The following AGBL4 variants were observed in gnomAD, a reference collection of about 807,000 sequenced individuals.
AGBL4 encodes AGBL carboxypeptidase 4.
Under a neutral mutation model 66.4 loss-of-function variants are expected in AGBL4, and 58 were observed. The observed-to-expected ratio is 0.87, with a 90% confidence interval of 0.71 to 1.09. The LOEUF (loss-of-function observed/expected upper bound fraction) is 1.09. Ranked by LOEUF, AGBL4 falls within the 50% of genes least tolerant of loss-of-function variation. AGBL4 has a pLI of 0.00. For synonymous variants in AGBL4, 234 were observed against 222.9 expected (o/e 1.05, Z -0.44); for missense variants, 579 against 631.0 (o/e 0.92, Z 0.88).
chr1:49,666,097 C>T (rs570697943), intron 3 of AGBL4, among the ~76,000 whole-genome samples: 39 of 152,086 alleles, frequency 2.6e-4, no homozygotes, highest in Non-Finnish European at 4.7e-4. Context: ...GCTGGGACTA[C>T]AGGCACATAC....
intron 6 of AGBL4, among the ~76,000 whole-genome samples, chr1:48,814,322 A>C (rs1291764664): frequency 6.6e-6 from 1 of 151,550 alleles, no homozygotes; most frequent in Non-Finnish European, 1.5e-5. Flanking sequence ...ACTTTTTAAA[A>C]ATATTTTTTA....
chr1:49,772,398 G>T (rs1644087786), intron 2 of AGBL4, among the ~76,000 whole-genome samples: 1 of 152,074 alleles, frequency 6.6e-6, no homozygotes, highest in African/African-American at 2.4e-5. Flanking sequence ...AGGTTTGAAG[G>T]ATTTACATAG....
At chr1:48,964,501 G>T (rs1224801580) in intron 5 of AGBL4, among the ~76,000 whole-genome samples, 1 of 152,024 alleles carries the variant, frequency 6.6e-6, no homozygotes, top group African/African-American at 2.4e-5. Context: ...TGATATAAAG[G>T]GCCCTTTTTG....
chr1:49,177,084 A>G (rs1646846363), intron 4 of AGBL4, among the ~76,000 whole-genome samples: 1 of 152,152 alleles, frequency 6.6e-6, no homozygotes. Flanking sequence ...CATTTTGATT[A>G]TATCTTGTGA....
chr1:49,908,456 C>A (rs181204319), intron 1 of AGBL4, among the ~76,000 whole-genome samples: 1 of 152,156 alleles, frequency 6.6e-6, no homozygotes, highest in Non-Finnish European at 1.5e-5. Context: ...CTCTATTGTT[C>A]CATGTGACAT....
chr1:48,838,125 C>T (rs1646725366), intron 6 of AGBL4, among the ~76,000 whole-genome samples: 1 of 151,962 alleles, frequency 6.6e-6, no homozygotes, highest in South Asian at 2.1e-4. Context: ...CCAAAGCAAT[C>T]TACAGATCAG....
intron 6 of AGBL4, among the ~76,000 whole-genome samples, chr1:48,697,745 A>G (rs1646734107): frequency 6.6e-6 from 1 of 152,222 alleles, no homozygotes; most frequent in Non-Finnish European, 1.5e-5. Context: ...CATACCCAGA[A>G]TAAAGATACA....
chr1:48,927,704 G>A (rs987820708), intron 5 of AGBL4, among the ~76,000 whole-genome samples: 1 of 152,152 alleles, frequency 6.6e-6, no homozygotes, highest in African/African-American at 2.4e-5. Context: ...AATGTGTCAA[G>A]CACTGTGTTG....
At chr1:50,006,334 G>A (rs752257745) in intron 1 of AGBL4, among the ~76,000 whole-genome samples, 5 of 144,334 alleles carry the variant, frequency 3.5e-5, no homozygotes, top group Admixed American at 1.4e-4. Flanking sequence ...GCAAGACTCC[G>A]CCTCAAAAAA....
intron 5 of AGBL4, among the ~76,000 whole-genome samples, chr1:48,991,155 T>C (rs1228846943): frequency 6.6e-6 from 1 of 152,216 alleles, no homozygotes; most frequent in Non-Finnish European, 1.5e-5. Context: ...GGGACAGGTC[T>C]GGTGTTGATG....
At chr1:49,883,305 T>C (rs1355246739) in intron 1 of AGBL4, among the ~76,000 whole-genome samples, 1 of 152,098 alleles carries the variant, frequency 6.6e-6, no homozygotes, top group Non-Finnish European at 1.5e-5. Context: ...TTGTTTTTCC[T>C]TATGGAGAAG....
chr1:49,155,247 A>G (rs775690226), intron 4 of AGBL4, among the ~76,000 whole-genome samples: 4 of 152,188 alleles, frequency 2.6e-5, no homozygotes, highest in Non-Finnish European at 4.4e-5. Context: ...GTTCAAAGAC[A>G]TCAGTAACTT....
At chr1:49,561,483 C>G (rs1305494) in intron 3 of AGBL4, among the ~76,000 whole-genome samples, 1 of 150,848 alleles carries the variant, frequency 6.6e-6, no homozygotes. Flanking sequence ...ACAGTCCCCA[C>G]TGTGTGATGT....
intron 4 of AGBL4, among the ~76,000 whole-genome samples, chr1:49,107,995 C>T (rs1198240037): frequency 6.6e-6 from 1 of 152,086 alleles, no homozygotes; most frequent in Non-Finnish European, 1.5e-5. Context: ...ACCTAAAAAC[C>T]CACTTCAGGT....
At chr1:49,533,597 G>A (rs1455616772) in intron 3 of AGBL4, among the ~76,000 whole-genome samples, 1 of 152,070 alleles carries the variant, frequency 6.6e-6, no homozygotes, top group Non-Finnish European at 1.5e-5. Context: ...GGTTTTCTTA[G>A]TGCAAGGTCT....
intron 3 of AGBL4, among the ~76,000 whole-genome samples, chr1:49,353,403 G>A (rs1643951674): frequency 6.6e-6 from 1 of 152,162 alleles, no homozygotes; most frequent in South Asian, 2.1e-4. Context: ...CTCCACTAGA[G>A]AGTCCAGAAG....
chr1:48,548,767 C>T (rs1002453466), intron 11 of AGBL4, among the ~76,000 whole-genome samples: 3 of 152,224 alleles, frequency 2.0e-5, no homozygotes, highest in African/African-American at 4.8e-5. Context: ...TCCTTTCCCC[C>T]TAGTTGTGGG....
At chr1:49,873,432 T>A (rs1557532917) in intron 1 of AGBL4, among the ~76,000 whole-genome samples, 1 of 152,002 alleles carries the variant, frequency 6.6e-6, no homozygotes, top group Non-Finnish European at 1.5e-5. Flanking sequence ...ACTTGGGACC[T>A]CAATTCACTA....
chr1:49,984,738 A>T (rs1659357474), intron 1 of AGBL4, among the ~76,000 whole-genome samples: 1 of 152,244 alleles, frequency 6.6e-6, no homozygotes, highest in South Asian at 2.1e-4. Context: ...TGAAACCAAC[A>T]GAAATATAAG....
Sources: allele counts gnomAD v4.1 joint callset (sites outside exome capture counted in the v4.1 genomes callset), GRCh38; gene constraint gnomAD v4.1.1; transcripts MANE v1.5; gene names NCBI Gene and HGNC (gene_info 2026-07-23, HGNC 2026-07-21).